EPHA6: variants seen among roughly 807,000 people sequenced by gnomAD.
EPHA6 encodes the protein EPH receptor A6, also known as ephrin type-A receptor 6.
Under a neutral mutation model 112.0 loss-of-function variants are expected in EPHA6, and 50 were observed. The observed-to-expected ratio is 0.45, with a 90% CI of 0.36 to 0.56. EPHA6 has a LOEUF of 0.56. Ranked by LOEUF, EPHA6 falls within the 20% of genes least tolerant of loss-of-function variation. The pLI is 0.00. For synonymous variants in EPHA6, 529 were observed against 490.7 expected, an observed-to-expected ratio of 1.08 and a Z score of -1.03; for missense variants, 1,280 against 1,417.4, an observed-to-expected ratio of 0.90 and a Z score of 1.56.
At chr3:97,320,377 A>G (rs1292512410) in intron 5 of EPHA6, among the ~76,000 whole-genome samples, 2 of 152,006 alleles carry the variant, frequency 1.3e-5, no homozygotes, top group Non-Finnish European at 1.5e-5. Context: ...ATTTTTATAA[A>G]ATAAAAGGCA....
rs1559879987 is a variant in EPHA6, at chr3:97,320,824, AAAAAAAAT to A, written c.1606+76545_1606+76552del. Among the ~76,000 whole-genome samples, 19 of 127,466 alleles carry A rather than the reference AAAAAAAAT, an allele frequency of 1.5e-4. 1 individual carries two copies. Among genetic ancestry groups the A allele is most frequent in the African/African-American group, 6.4e-4 (16 of 25,004 alleles). The allele number at this position is 127,466 out of a possible 152,430, so 83.6% of individuals were successfully genotyped here. A position where few individuals can be genotyped will look rare whatever the true frequency, so the allele number is the denominator to read the frequency against. On this transcript the variant is annotated intron_variant, in intron 5 of 17. Transcript: ENST00000389672. ...TCTGTGTTCTCTGGGGGCAAAAAATAAAAAAAATAAAAAAAAAGGGATGAATTTAATTA... is the reference window on the plus strand; with the variant it reads ...TCTGTGTTCTCTGGGGGCAAAAAATAAAAAAAAAAGGGATGAATTTAATTA...
chr3:96,867,156 T>C (rs1267763123), intron 2 of EPHA6, among the ~76,000 whole-genome samples: 1 of 151,916 alleles, frequency 6.6e-6, no homozygotes, highest in Non-Finnish European at 1.5e-5. Context: ...AATATTTTCC[T>C]TAAATATAAA....
At chr3:96,846,352 A>G (rs577078230) in intron 1 of EPHA6, among the ~76,000 whole-genome samples, 3 of 152,184 alleles carry the variant, frequency 2.0e-5, no homozygotes, top group Non-Finnish European at 2.9e-5. Flanking sequence ...TGTATGAAAC[A>G]TGCAGATTAC....
chr3:97,201,091 A>C (rs2077567370), intron 3 of EPHA6, among the ~76,000 whole-genome samples: 1 of 152,176 alleles, frequency 6.6e-6, no homozygotes, highest in Non-Finnish European at 1.5e-5. Context: ...ATCTTTCAAT[A>C]ACCATGCAAA....
At chr3:97,185,115 G>C (rs1404521542) in intron 3 of EPHA6, among the ~76,000 whole-genome samples, 2 of 152,108 alleles carry the variant, frequency 1.3e-5, no homozygotes, top group African/African-American at 4.8e-5. Flanking sequence ...AAAAACCCTA[G>C]AAGAAAACCT....
chr3:97,045,719 C>T (rs2045481544), intron 3 of EPHA6, among the ~76,000 whole-genome samples: 1 of 151,982 alleles, frequency 6.6e-6, no homozygotes, highest in South Asian at 2.1e-4. Flanking sequence ...ACAGAGACAA[C>T]ATACTTTGTA....
intron 11 of EPHA6, chr3:97,572,733 T>C (rs959921717): frequency 1.3e-5 from 2 of 152,186 alleles, no homozygotes; most frequent in Non-Finnish European, 2.9e-5. Context: ...TGAGGTGATG[T>C]CTTCCTTGTT....
chr3:97,439,595 T>C, intron 6 of EPHA6: 1 of 1,005,096 alleles, frequency 9.9e-7, no homozygotes, highest in Non-Finnish European at 1.2e-6. Context: ...GTTGTCACAA[T>C]GGAGAATCCA....
intron 14 of EPHA6, among the ~76,000 whole-genome samples, chr3:97,647,650 A>G (rs879690938): frequency 3.9e-5 from 6 of 152,172 alleles, no homozygotes; most frequent in African/African-American, 7.2e-5. Flanking sequence ...GGCTAAATTA[A>G]TCTGCATAAA....
At chr3:97,594,379 C>T (rs985314663) in intron 12 of EPHA6, among the ~76,000 whole-genome samples, 1 of 152,198 alleles carries the variant, frequency 6.6e-6, no homozygotes, top group Admixed American at 6.5e-5. Flanking sequence ...CCAAATTTGC[C>T]TCAAGCTTTC....
At chr3:97,505,353 G>A (rs181740228) in intron 10 of EPHA6, among the ~76,000 whole-genome samples, 131 of 106,358 alleles carry the variant, frequency 1.2e-3, no homozygotes, top group African/African-American at 4.4e-3. Context: ...CCCCACCCCC[G>A]ACAGGCCCTG....
At chr3:97,459,359 C>T (rs1369728901) in intron 7 of EPHA6, among the ~76,000 whole-genome samples, 3 of 152,174 alleles carry the variant, frequency 2.0e-5, no homozygotes, top group Non-Finnish European at 4.4e-5. Flanking sequence ...GGGTGGGACC[C>T]AGCATTCTGT....
At chr3:97,731,558 A>G (rs1357437668) in intron 15 of EPHA6, among the ~76,000 whole-genome samples, 1 of 152,086 alleles carries the variant, frequency 6.6e-6, no homozygotes, top group Non-Finnish European at 1.5e-5. Context: ...AGAGGCTACC[A>G]TGATGATAAT....
At chr3:97,325,334 G>A (rs757785623) in intron 5 of EPHA6, among the ~76,000 whole-genome samples, 40 of 152,104 alleles carry the variant, frequency 2.6e-4, no homozygotes, top group Non-Finnish European at 3.5e-4. Flanking sequence ...ACCTTGGCTT[G>A]CAGATGGCCT....
intron 1 of EPHA6, among the ~76,000 whole-genome samples, chr3:96,817,072 T>C (rs892172997): frequency 4.6e-5 from 7 of 152,028 alleles, no homozygotes; most frequent in Admixed American, 2.6e-4. Flanking sequence ...TGTATTGATA[T>C]ACCGATAACA....
intron 5 of EPHA6, among the ~76,000 whole-genome samples, chr3:97,264,159 G>A (rs554999437): frequency 1.3e-5 from 2 of 152,306 alleles, no homozygotes; most frequent in South Asian, 4.1e-4. Flanking sequence ...GTGGCCTGTG[G>A]TGCCTTTGCC....
chr3:97,745,503 G>A (rs1469712686), intron 16 of EPHA6: 6 of 369,102 alleles, frequency 1.6e-5, no homozygotes, highest in Non-Finnish European at 3.2e-5. Flanking sequence ...TGTTAAAAAG[G>A]ACAGAAGTCA....
chr3:97,394,328 A>G (rs776992225), intron 5 of EPHA6, among the ~76,000 whole-genome samples: 2 of 151,914 alleles, frequency 1.3e-5, no homozygotes, highest in Non-Finnish European at 2.9e-5. Context: ...CTAGAAGAGA[A>G]CATGGAGAAA....
At chr3:97,542,319 C>T (rs530524499) in intron 11 of EPHA6, among the ~76,000 whole-genome samples, 1 of 152,172 alleles carries the variant, frequency 6.6e-6, no homozygotes, top group Non-Finnish European at 1.5e-5. Flanking sequence ...TGTTCAATTC[C>T]CACCTATGAG....
Sources: gnomAD v4.1 joint callset for allele counts (sites outside exome capture counted in the v4.1 genomes callset) on GRCh38, gnomAD v4.1.1 for gene constraint, MANE v1.5 for transcripts, NCBI Gene and HGNC (gene_info 2026-07-23, HGNC 2026-07-21) for gene names.